The following PDLIM3 variants were observed in gnomAD, a reference collection of about 807,000 sequenced individuals.
PDLIM3 encodes the protein PDZ and LIM domain 3, also known as PDZ and LIM domain protein 3.
In PDLIM3, 36 loss-of-function variants were observed where a neutral mutation model predicts 37.3. That is an observed-to-expected ratio of 0.97 (90% CI 0.74 to 1.28). PDLIM3 has a LOEUF of 1.28. Among genes scored for constraint, PDLIM3 ranks in the 50% most tolerant of loss-of-function variants. The pLI, the probability that PDLIM3 is intolerant of heterozygous loss-of-function variation, is 0.00. For synonymous variants in PDLIM3, 174 were observed against 182.4 expected (o/e 0.95, Z 0.37); for missense variants, 454 against 485.0 (o/e 0.94, Z 0.60).
chr4:185,532,172 T>C (rs2095745699), intron 1 of PDLIM3, among the ~76,000 whole-genome samples: 1 of 152,204 alleles, frequency 6.6e-6, no homozygotes, highest in Non-Finnish European at 1.5e-5. Context: ...TGAAATATTT[T>C]TGAGAACACA....
chr4:185,505,887 T>C (rs541874880), intron 6 of PDLIM3, among the ~76,000 whole-genome samples: 2 of 152,318 alleles, frequency 1.3e-5, no homozygotes, highest in South Asian at 2.1e-4. Flanking sequence ...CATTTTTGTG[T>C]GGCTTTTAAA....
intron 2 of PDLIM3, 139 bp from the exon 3 acceptor site, chr4:185,523,585 TTATTCTG>T (rs2153337903): frequency 1.7e-6 from 1 of 595,118 alleles, no homozygotes; most frequent in East Asian, 2.9e-5. Flanking sequence ...TTTTTGCTGA[TTATTCTG>T]TATTTTCCCA....
At chr4:185,534,773 G>A (rs1409874327) in intron 1 of PDLIM3, among the ~76,000 whole-genome samples, 1 of 152,250 alleles carries the variant, frequency 6.6e-6, no homozygotes, top group Non-Finnish European at 1.5e-5. Flanking sequence ...ACTGAGGAGT[G>A]AGCATTAGGA....
intron 4 of PDLIM3, chr4:185,512,449 CCTT>C (rs33914574): frequency 0.022 from 3,418 of 153,698 alleles, 116 homozygotes; most frequent in African/African-American, 0.072. Context: ...CTGTTTCTCT[CCTT>C]CTCTCTTCCA....
intron 1 of PDLIM3, among the ~76,000 whole-genome samples, chr4:185,526,456 G>A (rs1405838508): frequency 6.6e-6 from 1 of 152,144 alleles, no homozygotes; most frequent in Non-Finnish European, 1.5e-5. Context: ...TTTTTCAGGG[G>A]CAGGAATAAA....
intron 1 of PDLIM3, among the ~76,000 whole-genome samples, chr4:185,530,373 G>C (rs1432391962): frequency 6.6e-6 from 1 of 152,102 alleles, no homozygotes; most frequent in Non-Finnish European, 1.5e-5. Flanking sequence ...CTATCTTAAA[G>C]CCTGTACAAA....
intron 6 of PDLIM3, among the ~76,000 whole-genome samples, chr4:185,505,143 T>C (rs2095694551): frequency 6.6e-6 from 1 of 152,248 alleles, no homozygotes. Context: ...TGCCTCTTTG[T>C]GTCTGGCTTC....
At chr4:185,531,722 T>C (rs2095744692) in intron 1 of PDLIM3, among the ~76,000 whole-genome samples, 1 of 152,036 alleles carries the variant, frequency 6.6e-6, no homozygotes, top group Non-Finnish European at 1.5e-5. Context: ...ATTAAACACA[T>C]CTCGTTTATG....
Position 185,508,255 on chromosome 4 carries a change from C to T in PDLIM3, c.662+44G>A, listed in dbSNP as rs781607829. On this transcript the variant is annotated intron_variant, in intron 5 of 7. Coordinates refer to ENST00000284767, the MANE Select transcript of PDLIM3 (RefSeq NM_014476.6). ...ACACCAGTAAAGCTGACATTGCCCA[C>T]GTGTTTAGTTAATATGCCCATGGTT... 19 of 1,587,792 alleles carry T rather than the reference C, an allele frequency of 1.2e-5. 1 individual carries two copies. Among genetic ancestry groups the T allele is most frequent in the Middle Eastern group, 1.7e-4 (1 of 6,026 alleles).
rs1241252785 is a variant in PDLIM3, at chr4:185,514,502, T to C, written c.331-165A>G. On this transcript the variant is annotated intron_variant, in intron 3 of 7. Transcript: ENST00000284767. The surrounding 1 kb of genome is among the most constrained non-coding windows in gnomAD (Gnocchi z 4.0). ...GGACGATGTCTTCTTTCCAACCATCTATCCGCTAAACGGTCAGGCACTGGC... is the reference window on the plus strand; with the variant it reads ...GGACGATGTCTTCTTTCCAACCATCCATCCGCTAAACGGTCAGGCACTGGC... 4.9e-6 allele frequency: 7 copies of C among 1,440,834 alleles called. No homozygotes were observed. The highest frequency in any genetic ancestry group is 4.8e-6 in the Non-Finnish European group (5 of 1,049,050). 89.3% of individuals were successfully genotyped at this position (1,440,834 alleles called of 1,614,324 possible). A position where few individuals can be genotyped will look rare whatever the true frequency, so the allele number is the denominator to read the frequency against.
At chr4:185,529,153 T>C (rs2095739481) in intron 1 of PDLIM3, among the ~76,000 whole-genome samples, 1 of 152,166 alleles carries the variant, frequency 6.6e-6, no homozygotes, top group Admixed American at 6.5e-5. Flanking sequence ...TGTGTGATTA[T>C]AAGAATCACC....
chr4:185,526,597 C>A (rs1208363549), intron 1 of PDLIM3, among the ~76,000 whole-genome samples: 3 of 152,098 alleles, frequency 2.0e-5, no homozygotes, highest in Non-Finnish European at 4.4e-5. Flanking sequence ...GACCAGTATA[C>A]CTACTCCCAA....
At position 185,514,306 on chromosome 4, in the gene PDLIM3, AT is replaced by A. The variant is rs2095711288; in HGVS notation, c.361del (p.Ile121PhefsTer7). ...DGNYFEHKHNIRPKPFVIPGR... is the reference protein window; with the variant it reads ...DGNYFEHKHNXRPKPFVIPGR... ...CGGGATCACGAAAGGTTTGGGCCGAATATTATGCTTGTGTTCAAAGTAGTTC... is the reference window on the plus strand; with the variant it reads ...CGGGATCACGAAAGGTTTGGGCCGAAATTATGCTTGTGTTCAAAGTAGTTC... On this transcript the variant is annotated frameshift_variant, in exon 4 of 8. Transcript: ENST00000284767. LOFTEE classifies it high-confidence loss of function. The surrounding 1 kb of genome is among the most constrained non-coding windows in gnomAD (Gnocchi z 4.0). 1.2e-6 allele frequency: 2 copies of A among 1,614,246 alleles called. No individual in the cohort carries two copies. The highest frequency in any genetic ancestry group is 1.3e-5 in the African/African-American group (1 of 75,058).
intron 3 of PDLIM3, 40 bp downstream of exon 3, chr4:185,523,322 A>C (rs1213644934): frequency 7.2e-7 from 1 of 1,397,604 alleles, no homozygotes; most frequent in South Asian, 1.2e-5. Flanking sequence ...CATGATTTAA[A>C]AGGAAATACA....
At chr4:185,502,883 A>G (rs541205525) in intron 7 of PDLIM3, among the ~76,000 whole-genome samples, 6 of 152,092 alleles carry the variant, frequency 3.9e-5, no homozygotes, top group Admixed American at 1.3e-4. Context: ...AGTCTCTCTG[A>G]TTGCTTTCCG....
chr4:185,516,507 G>C (rs1051295404), intron 3 of PDLIM3: 7 of 152,202 alleles, frequency 4.6e-5, no homozygotes, highest in Admixed American at 1.3e-4. Flanking sequence ...AGAAAAGAGA[G>C]TGTCTCTCTT....
intron 4 of PDLIM3, among the ~76,000 whole-genome samples, chr4:185,510,059 A>G (rs2095704208): frequency 6.6e-6 from 1 of 152,210 alleles, no homozygotes; most frequent in Admixed American, 6.5e-5. Flanking sequence ...TAGATCACAT[A>G]CCAAAATATC....
rs201081921 is a variant in PDLIM3, at chr4:185,504,439, T to C, written c.905+36A>G. The stretch of plus-strand genomic sequence containing the variant: ...GAGAAGAAATGAACTGTCGCCAAGC[T>C]GTATCGTAAATTCCAGGGTTAAAAG... On this transcript the variant is annotated intron_variant, in intron 7 of 7. Transcript: ENST00000284767. This position sits in a 1 kb window ranked among gnomAD's most constrained non-coding sequence, Gnocchi z 4.7. 3.0e-5 allele frequency: 46 copies of C among 1,509,686 alleles called. No homozygotes were observed. Among genetic ancestry groups the C allele is most frequent in the Non-Finnish European group, 4.1e-5 (45 of 1,085,630 alleles). The allele number at this position is 1,509,686 out of a possible 1,614,324, so 93.5% of individuals were successfully genotyped here.
At chr4:185,513,997 G>A in intron 4 of PDLIM3, 1 of 1,310,096 alleles carries the variant, frequency 7.6e-7, no homozygotes, top group Non-Finnish European at 9.8e-7. Context: ...GTTCTGGATG[G>A]GATCCCCAGA....
Sources: allele counts gnomAD v4.1 joint callset (sites outside exome capture counted in the v4.1 genomes callset), GRCh38; gene constraint gnomAD v4.1.1; non-coding constraint Gnocchi (gnomAD v3.1); transcripts MANE v1.5; gene names NCBI Gene and HGNC (gene_info 2026-07-23, HGNC 2026-07-21).